Variants in PRR16 observed in about 807,000 individuals in gnomAD.
PRR16 encodes the protein protein Largen.
PRR16 carries 6 observed loss-of-function variants against 18.2 expected under a neutral mutation model. The ratio of observed to expected loss-of-function variants is 0.33; its 90% CI spans 0.18 to 0.65. The LOEUF (loss-of-function observed/expected upper bound fraction) is 0.65. Ranked by LOEUF, PRR16 falls within the 30% of genes least tolerant of loss-of-function variation. The pLI, the probability that PRR16 is intolerant of heterozygous loss-of-function variation, is 0.74. For missense variants in PRR16, 412 were observed against 376.6 expected, an observed-to-expected ratio of 1.09 and a Z score of -0.78; for synonymous variants, 151 against 147.8, an observed-to-expected ratio of 1.02 and a Z score of -0.16.
chr5:120,590,020 A>G (rs541467031), intron 1 of PRR16, among the ~76,000 whole-genome samples: 1 of 152,180 alleles, frequency 6.6e-6, no homozygotes, highest in African/African-American at 2.4e-5. Flanking sequence ...TTCTTCCCTG[A>G]TTTATTTGAT....
At chr5:120,604,934 AC>A (rs1165304802) in intron 1 of PRR16, among the ~76,000 whole-genome samples, 1 of 152,142 alleles carries the variant, frequency 6.6e-6, no homozygotes, top group Non-Finnish European at 1.5e-5. Context: ...TTTGTATATA[AC>A]CTGTCCCTTC....
intron 1 of PRR16, among the ~76,000 whole-genome samples, chr5:120,667,059 G>T (rs1316916112): frequency 6.6e-6 from 1 of 151,754 alleles, no homozygotes; most frequent in Non-Finnish European, 1.5e-5. Flanking sequence ...TGTACCTCTG[G>T]TAGAATTCGG....
At chr5:120,776,960 T>TTTTG in the PRR16 span, among the ~76,000 whole-genome samples, 1 of 152,130 alleles carries the variant, frequency 6.6e-6, no homozygotes, top group South Asian at 2.1e-4. Context: ...CTATCCAAAA[T>TTTTG]TTTGTTTAAG....
the PRR16 span, among the ~76,000 whole-genome samples, chr5:120,696,429 TA>T: frequency 6.6e-6 from 1 of 152,268 alleles, no homozygotes; most frequent in African/African-American, 2.4e-5. Flanking sequence ...ACAAGAAACA[TA>T]TAGTTTCTTG....
intron 1 of PRR16, among the ~76,000 whole-genome samples, chr5:120,642,877 T>C (rs966150491): frequency 5.3e-5 from 8 of 152,114 alleles, no homozygotes; most frequent in African/African-American, 1.9e-4. Flanking sequence ...AACTCTGTCT[T>C]GACATCTGTT....
intron 1 of PRR16, among the ~76,000 whole-genome samples, chr5:120,630,709 T>C (rs1268698358): frequency 6.6e-6 from 1 of 152,158 alleles, no homozygotes; most frequent in Non-Finnish European, 1.5e-5. Flanking sequence ...GATTGAGATA[T>C]CTCTACTTCC....
chr5:120,508,333 A>G (rs1288149517), intron 1 of PRR16, among the ~76,000 whole-genome samples: 1 of 152,138 alleles, frequency 6.6e-6, no homozygotes, highest in Non-Finnish European at 1.5e-5. Flanking sequence ...ACTTCTTGTT[A>G]TGCAAAACTC....
At chr5:120,754,627 A>ATAT in the PRR16 span, among the ~76,000 whole-genome samples, 1 of 58,524 alleles carries the variant, frequency 1.7e-5, no homozygotes, top group Non-Finnish European at 3.0e-5. Flanking sequence ...ATATATTTAT[A>ATAT]TATAATATAT....
chr5:120,628,775 A>G (rs1343504974), intron 1 of PRR16, among the ~76,000 whole-genome samples: 1 of 151,746 alleles, frequency 6.6e-6, no homozygotes, highest in Non-Finnish European at 1.5e-5. Flanking sequence ...CCCATCTAAC[A>G]GTAAGCATCT....
At chr5:120,637,385 A>G (rs946046847) in intron 1 of PRR16, among the ~76,000 whole-genome samples, 2 of 151,204 alleles carry the variant, frequency 1.3e-5, no homozygotes, top group Non-Finnish European at 2.9e-5. Flanking sequence ...TGCAGTTTCA[A>G]AAATATGGAA....
intron 1 of PRR16, among the ~76,000 whole-genome samples, chr5:120,550,025 G>T (rs568241439): frequency 6.6e-6 from 1 of 152,076 alleles, no homozygotes; most frequent in African/African-American, 2.4e-5. Context: ...AGAAATTGGA[G>T]AATGTATCAA....
chr5:120,763,514 T>A, the PRR16 span, among the ~76,000 whole-genome samples: 3 of 152,208 alleles, frequency 2.0e-5, no homozygotes, highest in African/African-American at 7.2e-5. Flanking sequence ...TTGTCCTTTT[T>A]GCTCAGGATT....
the PRR16 span, among the ~76,000 whole-genome samples, chr5:120,731,310 T>C: frequency 6.6e-6 from 1 of 152,310 alleles, no homozygotes; most frequent in Non-Finnish European, 1.5e-5. Flanking sequence ...GTTCTTCACA[T>C]GCTCTTAAAC....
intron 1 of PRR16, among the ~76,000 whole-genome samples, chr5:120,547,142 C>CT (rs1752099922): frequency 6.6e-6 from 1 of 151,856 alleles, no homozygotes; most frequent in African/African-American, 2.4e-5. Context: ...CTAGAGATTC[C>CT]TTTTGTCACC....
At chr5:120,694,067 A>G in the PRR16 span, among the ~76,000 whole-genome samples, 1 of 152,222 alleles carries the variant, frequency 6.6e-6, no homozygotes, top group Non-Finnish European at 1.5e-5. Flanking sequence ...ACATGTTGTT[A>G]TGAGGTCCTA....
the PRR16 span, among the ~76,000 whole-genome samples, chr5:120,728,896 G>T: frequency 6.6e-6 from 1 of 152,226 alleles, no homozygotes. Context: ...GTAAATAAAT[G>T]AAGATTTAAT....
At chr5:120,529,205 T>C (rs1751466177) in intron 1 of PRR16, among the ~76,000 whole-genome samples, 1 of 152,292 alleles carries the variant, frequency 6.6e-6, no homozygotes, top group African/African-American at 2.4e-5. Context: ...CCAGGTGATA[T>C]ACTTGGGTTA....
At position 120,577,556 on chromosome 5, in the gene PRR16, T is replaced by C. The variant is rs368921541; in HGVS notation, c.160-108398T>C. On this transcript the variant is annotated intron_variant, in intron 1 of 1. Coordinates refer to ENST00000407149, the MANE Select transcript of PRR16 (RefSeq NM_001300783.2). The stretch of plus-strand genomic sequence containing the variant: ...TCAGGGAACACCATTTCACAAACAC[T>C]ACCTCTTAGGAGTTTGGCAAATCTT... 1.1e-3 allele frequency among the ~76,000 whole-genome samples: 162 copies of C among 152,276 alleles called. 1 individual carries two copies. The highest frequency in any genetic ancestry group is 3.4e-3 in the Middle Eastern group (1 of 294).
chr5:120,623,992 G>A (rs551847020), intron 1 of PRR16, among the ~76,000 whole-genome samples: 1 of 152,140 alleles, frequency 6.6e-6, no homozygotes, highest in African/African-American at 2.4e-5. Context: ...ACAATTGTAT[G>A]CTTAATGTTT....
Sources: gnomAD v4.1 joint callset for allele counts (sites outside exome capture counted in the v4.1 genomes callset) on GRCh38, gnomAD v4.1.1 for gene constraint, MANE v1.5 for transcripts, NCBI Gene and HGNC (gene_info 2026-07-23, HGNC 2026-07-21) for gene names.